TXNDC5: variants seen among roughly 807,000 people sequenced by gnomAD.
The protein encoded by TXNDC5 is thioredoxin domain containing 5, also known as thioredoxin domain-containing protein 5.
A neutral mutation model predicts 52.6 loss-of-function variants in TXNDC5; 44 were observed. That is an observed-to-expected ratio of 0.84 (90% confidence interval 0.66 to 1.08). TXNDC5 has a LOEUF of 1.08. TXNDC5 is among the 50% of genes least tolerant of loss of function. The pLI, the probability that TXNDC5 is intolerant of heterozygous loss-of-function variation, is 0.00. For missense variants in TXNDC5, 600 were observed against 565.5 expected (o/e 1.06, Z -0.62); for synonymous variants, 241 against 234.4 (o/e 1.03, Z -0.26).
chr6:7,884,702 C>T (rs879342293), intron 8 of TXNDC5, among the ~76,000 whole-genome samples: 5 of 152,192 alleles, frequency 3.3e-5, no homozygotes, highest in Non-Finnish European at 5.9e-5. Flanking sequence ...GGTAGACTTT[C>T]AGATAATGTG....
chr6:7,888,771 A>G lies in TXNDC5; in HGVS notation c.897T>C (p.Thr299=). ...AGGGCGTGACGGTCTCCGTCGCTCC[A>G]GTCTCTGTGCGCTGCAGCTGCGACT... ...YVESQLQRTE[T]GATETVTPSE... The change falls in exon 7 of 10, where the codon ACT becomes ACC. Residue 299 remains threonine (T), a synonymous_variant. Coordinates refer to ENST00000379757, the MANE Select transcript of TXNDC5 (RefSeq NM_030810.5). 6.2e-7 allele frequency: 1 copy of G among 1,614,126 alleles called. No individual in the cohort carries two copies. Among genetic ancestry groups the G allele is most frequent in the Middle Eastern group, 1.6e-4 (1 of 6,062 alleles).
intron 1 of TXNDC5, among the ~76,000 whole-genome samples, chr6:7,906,294 T>C (rs1760726635): frequency 6.6e-6 from 1 of 151,710 alleles, no homozygotes; most frequent in Admixed American, 6.6e-5. Context: ...TCCCAGCACT[T>C]TGGGAAGCCG....
intron 2 of TXNDC5, among the ~76,000 whole-genome samples, chr6:7,902,522 C>G (rs1381043985): frequency 6.6e-6 from 1 of 152,186 alleles, no homozygotes; most frequent in Non-Finnish European, 1.5e-5. Flanking sequence ...CAGTCGTCAC[C>G]TGCCTCGGGC....
intron 7 of TXNDC5, among the ~76,000 whole-genome samples, chr6:7,887,087 ACTT>A (rs1760008188): frequency 1.3e-5 from 2 of 150,598 alleles, no homozygotes; most frequent in African/African-American, 2.5e-5. Context: ...TCAGCTGTTT[ACTT>A]CTTCAACCAA....
At chr6:7,908,095 C>T in intron 1 of TXNDC5, among the ~76,000 whole-genome samples, 1 of 151,912 alleles carries the variant, frequency 6.6e-6, no homozygotes, top group East Asian at 1.9e-4. Flanking sequence ...CAATCCTGGC[C>T]AACATGGTGA....
intron 1 of TXNDC5, among the ~76,000 whole-genome samples, chr6:7,905,039 G>T (rs1760688791): frequency 6.6e-6 from 1 of 152,126 alleles, no homozygotes; most frequent in South Asian, 2.1e-4. Context: ...TCCTTCCCTT[G>T]TGGCCTACTC....
chr6:7,893,960 A>G (rs1183214995), intron 4 of TXNDC5, among the ~76,000 whole-genome samples: 2 of 152,368 alleles, frequency 1.3e-5, no homozygotes, highest in South Asian at 4.1e-4. Context: ...CTATGTGTGA[A>G]TAAAGGGAGA....
chr6:7,900,490 T>C (rs1478374277), intron 2 of TXNDC5, among the ~76,000 whole-genome samples: 1 of 152,236 alleles, frequency 6.6e-6, no homozygotes, highest in Non-Finnish European at 1.5e-5. Context: ...AGCCTGCTCA[T>C]CTAAACACCC....
chr6:7,888,188 G>A (rs1289169383), intron 7 of TXNDC5, among the ~76,000 whole-genome samples: 1 of 152,144 alleles, frequency 6.6e-6, no homozygotes, highest in Non-Finnish European at 1.5e-5. Flanking sequence ...AGTGAAGGAA[G>A]GAAGCCCCTC....
At chr6:7,899,775 C>G in intron 2 of TXNDC5, 94 bp from the exon 3 acceptor site, 1 of 893,980 alleles carries the variant, frequency 1.1e-6, no homozygotes. Flanking sequence ...AATGAGCTGT[C>G]AAGGGGCTGC....
rs1316632436 is a variant in TXNDC5 at position 7,896,552 on chromosome 6, G to A, written c.520-1350C>T. ...GCTTTAAAGGTGCTGACAGTTCAAA[G>A]CTGTGCAGGGCTGGAATCATAAAGA... On this transcript the variant is annotated intron_variant, in intron 3 of 9. Transcript: ENST00000379757. Among the ~76,000 whole-genome samples the A allele has an allele frequency of 4.6e-5, 7 of 152,326 alleles. No homozygotes were observed. The East Asian group carries it at 1.4e-3, about 29-fold the overall frequency.
At chr6:7,897,599 C>T (rs913600573) in intron 3 of TXNDC5, among the ~76,000 whole-genome samples, 4 of 152,124 alleles carry the variant, frequency 2.6e-5, no homozygotes, top group South Asian at 2.1e-4. Flanking sequence ...GGATTACACG[C>T]GGCCATCCTG....
Position 7,883,814 on chromosome 6 carries a change from AAAG to A in TXNDC5, c.1176+542_1176+544del, listed in dbSNP as rs1197535849. 3.9e-5 allele frequency among the ~76,000 whole-genome samples: 6 copies of A among 152,314 alleles called. No individual in the cohort carries two copies. In the East Asian group the frequency reaches 7.7e-4, roughly 20 times the overall value. ...AGGGCTCCAAAAGTGTCTGAATAAC[AAAG>A]AAGAAAAAAAATGACAAATCTTCCA... is the stretch of plus-strand genomic sequence containing the variant. On this transcript the variant is annotated intron_variant, in intron 9 of 9. Transcript: ENST00000379757.
At chr6:7,888,376 A>G (rs1018867197) in intron 7 of TXNDC5, among the ~76,000 whole-genome samples, 1 of 152,232 alleles carries the variant, frequency 6.6e-6, no homozygotes, top group Admixed American at 6.5e-5. Flanking sequence ...CATAGCAGAA[A>G]CATGCCCAGC....
Position 7,910,738 on chromosome 6 carries a change from G to A in TXNDC5, c.39C>T (p.Ala13=). The change falls in exon 1 of 10, where the codon GCC becomes GCT. Residue 13 remains alanine, a synonymous_variant. Coordinates refer to ENST00000379757, the MANE Select transcript of TXNDC5 (RefSeq NM_030810.5). ...ARPGRLLPLL[A]RPAALTALLL... ...GCAGCGCAGTCAGGGCCGCCGGCCG[G>A]GCCAGCAGCGGGAGGAGGCGTCCTG... 1 of 1,018,388 alleles carries A rather than the reference G, an allele frequency of 9.8e-7. No homozygotes were observed. The allele number at this position is 1,018,388 out of a possible 1,614,324, so 63.1% of individuals were successfully genotyped here.
In TXNDC5 at chr6:7,904,591, C is replaced by G. The variant is rs777559183; in HGVS notation, c.396G>C (p.Gly132=). Residue 132 remains glycine, a synonymous_variant, in exon 2 of 10, where the codon GGG becomes GGC. Coordinates refer to ENST00000379757, the MANE Select transcript of TXNDC5 (RefSeq NM_030810.5). The part of the protein sequence containing the change: ...TAHSDVCSAQ[G]VRGYPTLKLF... ...CAACTTACGTGGGGTATCCTCGCAC[C>G]CCCTGGGCGGAGCACACGTCGGAGT... 1.9e-6 allele frequency: 3 copies of G among 1,614,088 alleles called. No homozygotes were observed. Among genetic ancestry groups the G allele is most frequent in the South Asian group, 1.1e-5 (1 of 91,088 alleles).
intron 3 of TXNDC5, among the ~76,000 whole-genome samples, chr6:7,897,018 G>T (rs930478817): frequency 1.3e-5 from 2 of 152,058 alleles, no homozygotes; most frequent in African/African-American, 2.4e-5. Context: ...TCAAAAGAAG[G>T]GGGGGTGGAA....
In TXNDC5 at chr6:7,883,269, T is replaced by TAAAACAA; in HGVS notation, c.1177-10_1177-4dup. 1 of 1,613,826 alleles carries TAAAACAA rather than the reference T, an allele frequency of 6.2e-7. No individual in the cohort carries two copies. Among genetic ancestry groups the TAAAACAA allele is most frequent in the Middle Eastern group, 1.6e-4 (1 of 6,062 alleles). On this transcript the variant is annotated splice_polypyrimidine_tract_variant and splice_region_variant and intron_variant, in intron 9 of 9. Coordinates refer to ENST00000379757, the MANE Select transcript of TXNDC5 (RefSeq NM_030810.5). Reference sequence around the variant, plus strand: ...AATAACGTGGGGTAGCCTCGTACCTTAAAACAAAAAAGAAAAAAGTTTGCA... The same window carrying TAAAACAA: ...AATAACGTGGGGTAGCCTCGTACCTTAAAACAAAAAACAAAAAAGAAAAAAGTTTGCA...
Position 7,889,490 on chromosome 6 carries a change from C to G in TXNDC5, c.819+5G>C. ...AATTCTCAGTACTAAGAAGTGCAGA[C>G]GTACCTTTTTCCCATCTCGGAACCA... On this transcript the variant is annotated splice_donor_5th_base_variant and intron_variant, in intron 6 of 9. Coordinates refer to ENST00000379757, the MANE Select transcript of TXNDC5 (RefSeq NM_030810.5). 6 of 1,613,036 alleles carry G rather than the reference C, an allele frequency of 3.7e-6. No homozygotes were observed. The South Asian group carries it at 6.6e-5, about 18-fold the overall frequency.
Sources: gnomAD v4.1 joint callset for allele counts (sites outside exome capture counted in the v4.1 genomes callset) on GRCh38, gnomAD v4.1.1 for gene constraint, MANE v1.5 for transcripts, NCBI Gene and HGNC (gene_info 2026-07-23, HGNC 2026-07-21) for gene names.